The following BCL2 variants were observed in gnomAD, a reference collection of about 807,000 sequenced individuals.
The protein encoded by BCL2 is BCL2 apoptosis regulator.
In BCL2, 1 loss-of-function variant was observed where a neutral mutation model predicts 14.2. The ratio of observed to expected loss-of-function variants is 0.07; its 90% CI spans 0.02 to 0.33. The LOEUF (loss-of-function observed/expected upper bound fraction) is 0.33, where lower values mean the gene tolerates loss of function less well. Ranked by LOEUF, BCL2 falls within the 10% of genes least tolerant of loss-of-function variation. The pLI is 0.99. For missense variants in BCL2, 247 were observed against 305.9 expected (o/e 0.81, Z 1.44); for synonymous variants, 151 against 137.2 (o/e 1.10, Z -0.70).
chr18:63,254,759 T>C (rs1045273836), intron 2 of BCL2, among the ~76,000 whole-genome samples: 7 of 152,240 alleles, frequency 4.6e-5, no homozygotes, highest in African/African-American at 1.7e-4. Flanking sequence ...ACTGTCCTTG[T>C]TCTTCACATG....
rs1491465885 is a variant in BCL2, at chr18:63,266,637, T to TCTCTCACACA, written c.585+51444_585+51445insTGTGTGAGAG. Among the ~76,000 whole-genome samples, 17 of 86,010 alleles carry TCTCTCACACA rather than the reference T, an allele frequency of 2.0e-4. No homozygotes were observed. In the East Asian group the frequency reaches 4.1e-3, roughly 21 times the overall value. 56.4% of individuals were successfully genotyped at this position (86,010 alleles called of 152,430 possible). A position where few individuals can be genotyped will look rare whatever the true frequency, so the allele number is the denominator to read the frequency against. On this transcript the variant is annotated intron_variant, in intron 2 of 2. Transcript: ENST00000333681. ...CTCTCTCTCTCTCTCTCTCTCTCTCTCACACACACACACACACACAAAAAT... is the reference window on the plus strand; with the variant it reads ...CTCTCTCTCTCTCTCTCTCTCTCTCTCTCTCACACACACACACACACACACACACAAAAAT...
intron 2 of BCL2, among the ~76,000 whole-genome samples, chr18:63,194,860 T>C (rs748815787): frequency 1.3e-5 from 2 of 152,206 alleles, no homozygotes; most frequent in Non-Finnish European, 2.9e-5. Context: ...AACCATGGCG[T>C]ATAAGGCTTG....
At chr18:63,161,284 G>T (rs1160274961) in intron 2 of BCL2, among the ~76,000 whole-genome samples, 20 of 152,170 alleles carry the variant, frequency 1.3e-4, no homozygotes, top group Non-Finnish European at 2.9e-4. Context: ...AGTGCCTTGG[G>T]CTTCCTTGGT....
chr18:63,135,378 G>T (rs1402897435), intron 2 of BCL2, among the ~76,000 whole-genome samples: 1 of 152,212 alleles, frequency 6.6e-6, no homozygotes, highest in Non-Finnish European at 1.5e-5. Context: ...GCAGGCAGGT[G>T]CTGCTGGAAA....
intron 2 of BCL2, among the ~76,000 whole-genome samples, chr18:63,151,834 G>T (rs968095648): frequency 1.3e-5 from 2 of 152,222 alleles, no homozygotes; most frequent in African/African-American, 4.8e-5. Context: ...CCAAACACTG[G>T]CTTTCTGTTA....
At chr18:63,181,274 C>T (rs1043234514) in intron 2 of BCL2, among the ~76,000 whole-genome samples, 5 of 152,218 alleles carry the variant, frequency 3.3e-5, no homozygotes, top group Non-Finnish European at 7.3e-5. Flanking sequence ...GGCCCTGGCA[C>T]GCCTCGCATA....
intron 2 of BCL2, among the ~76,000 whole-genome samples, chr18:63,211,590 G>C (rs941680245): frequency 2.0e-5 from 3 of 152,174 alleles, no homozygotes; most frequent in African/African-American, 7.2e-5. Flanking sequence ...AACACTGTCT[G>C]CATTTTATTT....
chr18:63,200,798 A>G (rs1487033213), intron 2 of BCL2, among the ~76,000 whole-genome samples: 4 of 151,820 alleles, frequency 2.6e-5, no homozygotes, highest in African/African-American at 7.3e-5. Flanking sequence ...ATTTTTTAAT[A>G]TTTTTATAGA....
At chr18:63,200,945 G>A (rs1211338663) in intron 2 of BCL2, among the ~76,000 whole-genome samples, 19 of 152,148 alleles carry the variant, frequency 1.2e-4, no homozygotes, top group Admixed American at 1.2e-3. Context: ...GAATGAAGGG[G>A]TCCATTCCTA....
intron 2 of BCL2, among the ~76,000 whole-genome samples, chr18:63,295,176 T>C (rs1912764913): frequency 6.6e-6 from 1 of 150,870 alleles, no homozygotes; most frequent in Non-Finnish European, 1.5e-5. Flanking sequence ...AAAAAGATAA[T>C]AATAGTAATA....
intron 2 of BCL2, among the ~76,000 whole-genome samples, chr18:63,177,875 C>T (rs1406971039): frequency 1.3e-5 from 2 of 152,100 alleles, no homozygotes; most frequent in South Asian, 2.1e-4. Context: ...GTGGACTCTC[C>T]GCATCTCCAG....
At chr18:63,173,502 C>A (rs1915277267) in intron 2 of BCL2, among the ~76,000 whole-genome samples, 1 of 152,102 alleles carries the variant, frequency 6.6e-6, no homozygotes, top group African/African-American at 2.4e-5. Flanking sequence ...AGTCATCAGA[C>A]CTGGAGCAGA....
At position 63,128,038 on chromosome 18, in the gene BCL2, T is replaced by A. The variant is rs1419318151; in HGVS notation, c.*587A>T. 4.4e-6 allele frequency: 1 copy of A among 225,822 alleles called. No homozygotes were observed. The highest frequency in any genetic ancestry group is 6.3e-5 in the East Asian group (1 of 15,760). The allele number at this position is 225,822 out of a possible 1,614,324, so 14.0% of individuals were successfully genotyped here. A position where few individuals can be genotyped will look rare whatever the true frequency, so the allele number is the denominator to read the frequency against. On this transcript the variant is annotated 3_prime_UTR_variant, in exon 3 of 3. Coordinates refer to ENST00000333681, the MANE Select transcript of BCL2 (RefSeq NM_000633.3). Reference sequence around the variant, plus strand: ...CACCAGGTATGCATCATGTGAGTCATATGCAAAGAGTCTCTTCTTCAGGCC... The same window carrying A: ...CACCAGGTATGCATCATGTGAGTCAAATGCAAAGAGTCTCTTCTTCAGGCC...
chr18:63,294,998 C>CAA (rs34986306), intron 2 of BCL2, among the ~76,000 whole-genome samples: 204 of 132,394 alleles, frequency 1.5e-3, no homozygotes, highest in Middle Eastern at 3.8e-3. Context: ...CTGAAAATAC[C>CAA]AAAAAAAAAA....
intron 2 of BCL2, among the ~76,000 whole-genome samples, chr18:63,301,524 T>C (rs533827970): frequency 1.1e-3 from 167 of 152,246 alleles, no homozygotes; most frequent in Admixed American, 1.6e-3. Flanking sequence ...CTTTAGCATA[T>C]GTACTTCATG....
intron 2 of BCL2, among the ~76,000 whole-genome samples, chr18:63,142,671 C>T (rs1384806427): frequency 6.6e-6 from 1 of 152,234 alleles, no homozygotes; most frequent in African/African-American, 2.4e-5. Context: ...TTCTTATCCA[C>T]ACCATCAATC....
Position 63,123,500 on chromosome 18 carries a change from AG to A in BCL2, c.*5124del, listed in dbSNP as rs1913828163. ...GACTTACTTTACCTTAACCATGTAA[AG>A]TATCCTTACCGTATTTTTTATGTGT... On this transcript the variant is annotated 3_prime_UTR_variant, in exon 3 of 3. Coordinates refer to ENST00000333681, the MANE Select transcript of BCL2 (RefSeq NM_000633.3). 1 of 205,796 alleles carries A rather than the reference AG, an allele frequency of 4.9e-6. No individual in the cohort carries two copies. Among genetic ancestry groups the A allele is most frequent in the Non-Finnish European group, 9.9e-6 (1 of 100,662 alleles). 12.7% of individuals were successfully genotyped at this position (205,796 alleles called of 1,614,324 possible). A position where few individuals can be genotyped will look rare whatever the true frequency, so the allele number is the denominator to read the frequency against.
chr18:63,277,574 C>CTTTT (rs11384331), intron 2 of BCL2, among the ~76,000 whole-genome samples: 1 of 135,058 alleles, frequency 7.4e-6, no homozygotes, highest in Non-Finnish European at 1.6e-5. Context: ...AGATCATGTC[C>CTTTT]TTTTTTTTTT....
intron 2 of BCL2, among the ~76,000 whole-genome samples, chr18:63,142,141 T>C (rs1007377857): frequency 6.6e-6 from 1 of 152,192 alleles, no homozygotes; most frequent in African/African-American, 2.4e-5. Context: ...TCAGTAAGTG[T>C]TGACTGAGGC....
Sources: gnomAD v4.1 joint callset for allele counts (sites outside exome capture counted in the v4.1 genomes callset) on GRCh38, gnomAD v4.1.1 for gene constraint, MANE v1.5 for transcripts, NCBI Gene and HGNC (gene_info 2026-07-23, HGNC 2026-07-21) for gene names.